The following INPP4B variants were observed in gnomAD, a reference collection of about 807,000 sequenced individuals.
The protein encoded by INPP4B is inositol polyphosphate-4-phosphatase type II B, also known as inositol polyphosphate 4-phosphatase type II.
Under a neutral mutation model 122.5 loss-of-function variants are expected in INPP4B, and 55 were observed. The ratio of observed to expected loss-of-function variants is 0.45; its 90% CI spans 0.36 to 0.56. The LOEUF is 0.56. Ranked by LOEUF, INPP4B falls within the 20% of genes least tolerant of loss-of-function variation. The pLI, the probability that INPP4B is intolerant of heterozygous loss-of-function variation, is 0.00. For missense variants in INPP4B, 1,000 were observed against 1,097.7 expected (o/e 0.91, Z 1.26); for synonymous variants, 403 against 388.7 (o/e 1.04, Z -0.43).
chr4:142,052,701 G>A (rs1241994955), intron 25 of INPP4B, among the ~76,000 whole-genome samples: 1 of 151,808 alleles, frequency 6.6e-6, no homozygotes, highest in Admixed American at 6.6e-5. Context: ...AAAAACAGTA[G>A]CAGGACACAC....
At chr4:142,348,916 G>GTT (rs2151785222) in intron 7 of INPP4B, among the ~76,000 whole-genome samples, 1 of 152,114 alleles carries the variant, frequency 6.6e-6, no homozygotes, top group South Asian at 2.1e-4. Context: ...GGAGGATGAT[G>GTT]TTATGGGAAG....
intron 1 of INPP4B, among the ~76,000 whole-genome samples, chr4:142,824,299 T>C (rs1207231411): frequency 6.7e-6 from 1 of 148,996 alleles, no homozygotes; most frequent in African/African-American, 2.6e-5. Context: ...CTATCTATTA[T>C]CTATCTGTCT....
At chr4:142,747,943 G>A (rs2150939459) in intron 1 of INPP4B, among the ~76,000 whole-genome samples, 1 of 152,162 alleles carries the variant, frequency 6.6e-6, no homozygotes, top group South Asian at 2.1e-4. Context: ...ATAGGGTGTA[G>A]CAAACCACCA....
intron 3 of INPP4B, among the ~76,000 whole-genome samples, chr4:142,441,275 T>C (rs749441089): frequency 6.6e-5 from 10 of 152,132 alleles, no homozygotes; most frequent in Non-Finnish European, 1.2e-4. Flanking sequence ...TAAGCCAAGA[T>C]AGAAGTATAT....
rs183236764 is a variant in INPP4B at position 142,294,099 on chromosome 4, G to A, written c.503+11359C>T. On this transcript the variant is annotated intron_variant, in intron 9 of 25. Coordinates refer to ENST00000262992, the MANE Select transcript of INPP4B (RefSeq NM_001101669.3). ...AAATTACTCAATTGGTACAATATACGCTATTCAGGGGATGGTTACATTAAA... is the reference window on the plus strand; with the variant it reads ...AAATTACTCAATTGGTACAATATACACTATTCAGGGGATGGTTACATTAAA... Among the ~76,000 whole-genome samples the A allele has an allele frequency of 1.6e-4, 25 of 152,218 alleles. 1 individual carries two copies. The highest frequency in any genetic ancestry group is 7.7e-4 in the East Asian group (4 of 5,182).
At chr4:142,444,807 A>G (rs1580080332) in intron 3 of INPP4B, among the ~76,000 whole-genome samples, 1 of 152,154 alleles carries the variant, frequency 6.6e-6, no homozygotes, top group Non-Finnish European at 1.5e-5. Context: ...GCACATAAAC[A>G]CCATGGAAGA....
At chr4:142,606,095 C>A (rs992657718) in intron 2 of INPP4B, among the ~76,000 whole-genome samples, 1 of 151,880 alleles carries the variant, frequency 6.6e-6, no homozygotes, top group Non-Finnish European at 1.5e-5. Context: ...TCATTTGCAG[C>A]AACATGGATG....
intron 2 of INPP4B, among the ~76,000 whole-genome samples, chr4:142,486,854 G>C (rs540781065): frequency 2.0e-5 from 3 of 152,150 alleles, no homozygotes; most frequent in Non-Finnish European, 2.9e-5. Flanking sequence ...AATTTCCTCA[G>C]TAAATGCCTT....
At chr4:142,349,581 A>C (rs1781334470) in intron 7 of INPP4B, among the ~76,000 whole-genome samples, 1 of 152,040 alleles carries the variant, frequency 6.6e-6, no homozygotes, top group Admixed American at 6.6e-5. Flanking sequence ...GTTTAATATA[A>C]AATACAGGCC....
At chr4:142,369,107 C>T (rs1478080976) in intron 7 of INPP4B, among the ~76,000 whole-genome samples, 5 of 152,034 alleles carry the variant, frequency 3.3e-5, no homozygotes, top group Non-Finnish European at 7.4e-5. Context: ...GTTAGCTCTC[C>T]TAAAGTATCC....
chr4:142,579,145 A>G (rs2150191628), intron 2 of INPP4B, among the ~76,000 whole-genome samples: 2 of 152,130 alleles, frequency 1.3e-5, no homozygotes, highest in South Asian at 4.1e-4. Flanking sequence ...TACAGCCAAC[A>G]TTTAAATGGG....
chr4:142,040,910 A>C (rs916509923), intron 25 of INPP4B, among the ~76,000 whole-genome samples: 1 of 152,140 alleles, frequency 6.6e-6, no homozygotes, highest in Non-Finnish European at 1.5e-5. Context: ...AACACGTAAA[A>C]TTACTGTCTA....
intron 1 of INPP4B, among the ~76,000 whole-genome samples, chr4:142,840,409 T>C (rs1055392599): frequency 5.9e-5 from 9 of 152,180 alleles, no homozygotes; most frequent in African/African-American, 2.2e-4. Flanking sequence ...TTTTCTATCA[T>C]GTTCATTTAA....
intron 23 of INPP4B, among the ~76,000 whole-genome samples, chr4:142,099,936 A>G (rs892193050): frequency 6.6e-6 from 1 of 152,144 alleles, no homozygotes; most frequent in African/African-American, 2.4e-5. Flanking sequence ...ATCACATCTT[A>G]TAAATCCAAG....
intron 25 of INPP4B, among the ~76,000 whole-genome samples, chr4:142,045,611 T>C (rs1181596889): frequency 6.6e-6 from 1 of 152,126 alleles, no homozygotes; most frequent in Non-Finnish European, 1.5e-5. Flanking sequence ...TCTTTATTAA[T>C]CTCTTTCCAT....
At chr4:142,058,721 A>G (rs1473587246) in intron 25 of INPP4B, among the ~76,000 whole-genome samples, 2 of 152,134 alleles carry the variant, frequency 1.3e-5, no homozygotes, top group African/African-American at 2.4e-5. Flanking sequence ...TTAATCCAAT[A>G]TTAAAAACCT....
chr4:142,477,241 G>T (rs1339809812), intron 2 of INPP4B, among the ~76,000 whole-genome samples: 1 of 152,152 alleles, frequency 6.6e-6, no homozygotes, highest in African/African-American at 2.4e-5. Context: ...GAAATTCTTT[G>T]AAACTAATAA....
At chr4:142,424,269 T>C (rs1271607913) in intron 5 of INPP4B, among the ~76,000 whole-genome samples, 1 of 151,846 alleles carries the variant, frequency 6.6e-6, no homozygotes, top group Non-Finnish European at 1.5e-5. Context: ...ATTTCAAGAG[T>C]AGTAGTTTAA....
At chr4:142,786,387 AC>A (rs538000171) in intron 1 of INPP4B, among the ~76,000 whole-genome samples, 84 of 152,298 alleles carry the variant, frequency 5.5e-4, no homozygotes, top group Middle Eastern at 6.8e-3. Flanking sequence ...TTAGATTATA[AC>A]CCAAAGCATA....
Sources: gnomAD v4.1 joint callset for allele counts (sites outside exome capture counted in the v4.1 genomes callset) on GRCh38, gnomAD v4.1.1 for gene constraint, MANE v1.5 for transcripts, NCBI Gene and HGNC (gene_info 2026-07-23, HGNC 2026-07-21) for gene names.